ALK: variants seen among roughly 807,000 people sequenced by gnomAD.
ALK encodes ALK tyrosine kinase receptor.
Under a neutral mutation model 163.1 loss-of-function variants are expected in ALK, and 74 were observed. That is an observed-to-expected ratio of 0.45 (90% CI 0.38 to 0.55). The LOEUF (loss-of-function observed/expected upper bound fraction) is 0.55, where lower values mean the gene tolerates loss of function less well. Among genes scored for constraint, ALK ranks in the 20% least tolerant of loss-of-function variants. The pLI is 0.00. For missense variants in ALK, 2,063 were observed against 2,105.3 expected, an observed-to-expected ratio of 0.98 and a Z score of 0.39; for synonymous variants, 960 against 843.2, an observed-to-expected ratio of 1.14 and a Z score of -2.40.
intron 2 of ALK, among the ~76,000 whole-genome samples, chr2:29,717,150 C>T (rs536899171): frequency 2.4e-4 from 30 of 122,542 alleles, no homozygotes; most frequent in South Asian, 5.3e-4. Flanking sequence ...CCAGCCTGGG[C>T]GACAGAGCAA....
At chr2:29,557,093 T>C (rs973473902) in intron 3 of ALK, among the ~76,000 whole-genome samples, 11 of 152,222 alleles carry the variant, frequency 7.2e-5, no homozygotes, top group African/African-American at 2.7e-4. Context: ...ATATATTTTG[T>C]TCTCTAGTAC....
chr2:29,815,395 C>T (rs1045169241), intron 1 of ALK, among the ~76,000 whole-genome samples: 2 of 152,058 alleles, frequency 1.3e-5, no homozygotes, highest in Non-Finnish European at 2.9e-5. Context: ...CTCTGAGTGA[C>T]CCCGCTATTC....
intron 1 of ALK, among the ~76,000 whole-genome samples, chr2:29,901,563 T>C (rs921374591): frequency 6.6e-6 from 1 of 152,204 alleles, no homozygotes; most frequent in African/African-American, 2.4e-5. Flanking sequence ...AAAACCCTAC[T>C]TTATCTGATT....
At chr2:29,331,256 G>A (rs912871352) in intron 5 of ALK, among the ~76,000 whole-genome samples, 2 of 152,188 alleles carry the variant, frequency 1.3e-5, no homozygotes, top group African/African-American at 4.8e-5. Flanking sequence ...ATAACTTATA[G>A]ATTCTAAGTG....
chr2:29,644,180 T>G, intron 3 of ALK, among the ~76,000 whole-genome samples: 1 of 136,362 alleles, frequency 7.3e-6, no homozygotes, highest in East Asian at 2.2e-4. Context: ...TTCTCACTCA[T>G]AGGTGGGAAT....
At chr2:29,595,483 G>A (rs1363945863) in intron 3 of ALK, among the ~76,000 whole-genome samples, 1 of 152,044 alleles carries the variant, frequency 6.6e-6, no homozygotes, top group Non-Finnish European at 1.5e-5. Flanking sequence ...ACCACGCCCG[G>A]CTAATTTTTT....
rs1424090092 is a variant in ALK, at chr2:29,903,029, A to C, written c.667+16964T>G. Among the ~76,000 whole-genome samples the C allele has an allele frequency of 2.0e-5, 3 of 152,192 alleles. No individual in the cohort carries two copies. In the East Asian group the frequency reaches 5.8e-4, roughly 29 times the overall value. ...CAGAGAGTTTAAATGAAGATCATGA[A>C]ACTAACTGATGATGGTGTCAAGTCT... On this transcript the variant is annotated intron_variant, in intron 1 of 28. Coordinates refer to ENST00000389048, the MANE Select transcript of ALK (RefSeq NM_004304.5).
chr2:29,832,082 T>C (rs1047428619), intron 1 of ALK, among the ~76,000 whole-genome samples: 3 of 152,200 alleles, frequency 2.0e-5, no homozygotes, highest in Non-Finnish European at 4.4e-5. Flanking sequence ...GAGATGAGGT[T>C]CCCTGTATGC....
chr2:29,612,956 A>G (rs938869251), intron 3 of ALK, among the ~76,000 whole-genome samples: 1 of 152,204 alleles, frequency 6.6e-6, no homozygotes. Context: ...AACAAAAAAT[A>G]AAGTAGGAAC....
chr2:29,320,758 G>A lies in ALK; in HGVS notation c.1539C>T (p.Asp513=), dbSNP rs1208550170. 5 of 1,613,762 alleles carry A rather than the reference G, an allele frequency of 3.1e-6. No individual in the cohort carries two copies. Among genetic ancestry groups the A allele is most frequent in the Non-Finnish European group, 4.2e-6 (5 of 1,179,970 alleles). The stretch of plus-strand genomic sequence containing the variant: ...GCAGGAGAGCAGTAGTACCTTGGTG[G>A]TCCTGGAACCGGGCATCCTTTAGGG... ...VRTLKDARFQ[D]HQDHALLLST... The change falls in exon 7 of 29, where the codon GAC becomes GAT. Residue 513 remains aspartate (D), a synonymous_variant. Transcript: ENST00000389048.
chr2:29,389,728 G>A (rs1669116015), intron 4 of ALK, among the ~76,000 whole-genome samples: 1 of 152,190 alleles, frequency 6.6e-6, no homozygotes, highest in Non-Finnish European at 1.5e-5. Context: ...GTCAATTCAT[G>A]AACACTAGCT....
intron 3 of ALK, among the ~76,000 whole-genome samples, chr2:29,608,806 C>T (rs1675610567): frequency 2.0e-5 from 3 of 152,222 alleles, no homozygotes; most frequent in Admixed American, 2.0e-4. Context: ...ATTTACCCTT[C>T]ACATTTAAGG....
intron 1 of ALK, among the ~76,000 whole-genome samples, chr2:29,847,961 G>A (rs1454811031): frequency 2.0e-5 from 3 of 152,116 alleles, no homozygotes; most frequent in Non-Finnish European, 4.4e-5. Context: ...ATTGTCTAGT[G>A]GCGAGACAAA....
chr2:29,851,265 T>C (rs1244427063), intron 1 of ALK, among the ~76,000 whole-genome samples: 1 of 152,214 alleles, frequency 6.6e-6, no homozygotes, highest in Admixed American at 6.5e-5. Context: ...GACCAGAGCA[T>C]AAACTGCAAA....
At chr2:29,687,470 T>C (rs988030394) in intron 3 of ALK, among the ~76,000 whole-genome samples, 14 of 151,958 alleles carry the variant, frequency 9.2e-5, no homozygotes, top group East Asian at 3.9e-4. Flanking sequence ...TTAACGTTTT[T>C]CCCCCAAAGT....
chr2:29,193,286 C>T lies in ALK; in HGVS notation c.4801G>A (p.Ala1601Thr), dbSNP rs376702277. The change falls in exon 29 of 29, where the codon GCT becomes ACT. Residue 1601 changes from alanine (A) to threonine (T), a missense_variant. Ala to Thr is a moderately conservative substitution (Grantham distance 58). Transcript: ENST00000389048. ...LPLEAATAPGAGHYEDTILKS... is the reference protein window; with the variant it reads ...LPLEAATAPGTGHYEDTILKS... Reference sequence around the variant, plus strand: ...AGAATGGTATCCTCGTAATGACCAGCTCCAGGGGCAGTAGCGGCTTCTAAG... The same window carrying T: ...AGAATGGTATCCTCGTAATGACCAGTTCCAGGGGCAGTAGCGGCTTCTAAG... The T allele has an allele frequency of 4.0e-5, 65 of 1,614,084 alleles. No homozygotes were observed. In the Middle Eastern group the frequency reaches 4.9e-4, roughly 12 times the overall value.
At chr2:29,478,473 G>A (rs772797008) in intron 4 of ALK, among the ~76,000 whole-genome samples, 52 of 152,228 alleles carry the variant, frequency 3.4e-4, no homozygotes, top group Admixed American at 1.8e-3. Context: ...GACAGGCGGA[G>A]GACTTGCCTC....
At chr2:29,854,032 C>T (rs1332726787) in intron 1 of ALK, among the ~76,000 whole-genome samples, 1 of 151,896 alleles carries the variant, frequency 6.6e-6, no homozygotes, top group Admixed American at 6.6e-5. Context: ...GCCTCAGCCT[C>T]CCGAGTAGCT....
intron 5 of ALK, among the ~76,000 whole-genome samples, chr2:29,339,361 G>T (rs1254032535): frequency 1.3e-5 from 2 of 152,176 alleles, no homozygotes; most frequent in African/African-American, 2.4e-5. Context: ...CAAGGCTGGG[G>T]GTGTGAAAGG....
Sources: allele counts gnomAD v4.1 joint callset (sites outside exome capture counted in the v4.1 genomes callset), GRCh38; gene constraint gnomAD v4.1.1; transcripts MANE v1.5; gene names NCBI Gene and HGNC (gene_info 2026-07-23, HGNC 2026-07-21).